RFLNA: variants seen among roughly 807,000 people sequenced by gnomAD.
The protein encoded by RFLNA is refilin-A.
A neutral mutation model predicts 7.8 loss-of-function variants in RFLNA; 5 were observed. That is an observed-to-expected ratio of 0.64 (90% CI 0.34 to 1.35). The LOEUF is 1.35. Among genes scored for constraint, RFLNA ranks in the 40% most tolerant of loss-of-function variants. The pLI, the probability that RFLNA is intolerant of heterozygous loss-of-function variation, is 0.04. For missense variants in RFLNA, 278 were observed against 305.5 expected, an observed-to-expected ratio of 0.91 and a Z score of 0.67; for synonymous variants, 141 against 131.3, an observed-to-expected ratio of 1.07 and a Z score of -0.50.
chr12:124,291,264 TA>T (rs1421650806), upstream of RFLNA, among the ~76,000 whole-genome samples: 1 of 152,210 alleles, frequency 6.6e-6, no homozygotes, highest in Non-Finnish European at 1.5e-5. Context: ...TTTATTAATT[TA>T]TTTTTTTGAG....
intron 1 of RFLNA, 84 bp from the exon 2 acceptor site, chr12:124,311,734 C>A: frequency 7.9e-7 from 1 of 1,261,410 alleles, no homozygotes; most frequent in Non-Finnish European, 1.1e-6. Flanking sequence ...CAGAGGGTGT[C>A]AGGTGGTCCT....
rs753987856 is a variant in RFLNA at position 124,311,832 on chromosome 12, C to T, written c.222C>T (p.Leu74=). The change falls in exon 2 of 3, where the codon CTC becomes CTT. Residue 74 remains leucine (L), a synonymous_variant. Coordinates refer to ENST00000546355, the MANE Select transcript of RFLNA (RefSeq NM_001365156.1). ...TCTCCCCACAGCCCCCCTCCCAACT[C>T]CCAAATCCCCCGGCGTCGGAGATGA... The part of the protein sequence containing the change: ...PSEARAPPSQ[L]PNPPASEMRP... The T allele has an allele frequency of 4.4e-6, 7 of 1,594,954 alleles. No individual in the cohort carries two copies. The highest frequency in any genetic ancestry group is 1.4e-5 in the African/African-American group (1 of 73,572).
chr12:124,303,808 C>A (rs564013956), intron 1 of RFLNA, among the ~76,000 whole-genome samples: 1 of 152,180 alleles, frequency 6.6e-6, no homozygotes, highest in African/African-American at 2.4e-5. Flanking sequence ...AACAGGAGCC[C>A]GGGCCTGTGG....
chr12:124,292,879 T>C (rs1340201415), upstream of RFLNA, among the ~76,000 whole-genome samples: 1 of 152,232 alleles, frequency 6.6e-6, no homozygotes. Context: ...TGCAATGTTT[T>C]AAAAGTCAAA....
upstream of RFLNA, among the ~76,000 whole-genome samples, chr12:124,294,888 G>A (rs2033876927): frequency 1.3e-5 from 2 of 152,240 alleles, no homozygotes; most frequent in South Asian, 4.1e-4. Context: ...CACCCTCGGT[G>A]CGCCAGTGTG....
intron 1 of RFLNA, among the ~76,000 whole-genome samples, chr12:124,309,027 T>A (rs1432135841): frequency 6.6e-6 from 1 of 152,214 alleles, no homozygotes; most frequent in East Asian, 1.9e-4. Context: ...CCCGTGCGGC[T>A]AGTGGCCCCT....
intron 1 of RFLNA, among the ~76,000 whole-genome samples, chr12:124,297,523 A>G (rs927919242): frequency 6.6e-6 from 1 of 152,074 alleles, no homozygotes; most frequent in East Asian, 1.9e-4. Context: ...AATTAGCCCC[A>G]TTTTCCAGAG....
At chr12:124,304,082 G>A (rs759283366) in intron 1 of RFLNA, among the ~76,000 whole-genome samples, 1 of 152,250 alleles carries the variant, frequency 6.6e-6, no homozygotes, top group Non-Finnish European at 1.5e-5. Flanking sequence ...TCTTGGCCGC[G>A]AGAGGCACTT....
chr12:124,313,731 T>G (rs954840309), intron 2 of RFLNA, among the ~76,000 whole-genome samples: 22 of 152,010 alleles, frequency 1.4e-4, no homozygotes, highest in Non-Finnish European at 2.5e-4. Context: ...ACTGGTTGTT[T>G]ATATCTTGCC....
chr12:124,297,159 C>T (rs1434472295), intron 1 of RFLNA, among the ~76,000 whole-genome samples: 1 of 152,192 alleles, frequency 6.6e-6, no homozygotes, highest in Non-Finnish European at 1.5e-5. Context: ...AATCCGCCTT[C>T]TCCTTGGTTC....
At position 124,314,362 on chromosome 12, in the gene RFLNA, G is replaced by T. The variant is rs767385958; in HGVS notation, c.488G>T (p.Arg163Leu). 11 of 1,612,656 alleles carry T rather than the reference G, an allele frequency of 6.8e-6. No homozygotes were observed. Among genetic ancestry groups the T allele is most frequent in the Non-Finnish European group, 7.6e-6 (9 of 1,179,950 alleles). ...LTLEPRPRAL[R>L]FRSTTIIFPK... ...CTGGAGCCACGCCCGCGCGCCCTGCGCTTCCGCAGCACCACCATCATCTTC... is the reference window on the plus strand; with the variant it reads ...CTGGAGCCACGCCCGCGCGCCCTGCTCTTCCGCAGCACCACCATCATCTTC... Residue 163 changes from arginine (R) to leucine (L), a missense_variant, in exon 3 of 3, where the codon CGC (arginine) becomes CTC (leucine). Physicochemically the swap from Arg to Leu is moderately radical, Grantham distance 102. Coordinates refer to ENST00000546355, the MANE Select transcript of RFLNA (RefSeq NM_001365156.1).
At chr12:124,297,503 C>A (rs1439495779) in intron 1 of RFLNA, among the ~76,000 whole-genome samples, 1 of 152,154 alleles carries the variant, frequency 6.6e-6, no homozygotes, top group African/African-American at 2.4e-5. Context: ...TCCCATGAAG[C>A]CTACACTCCA....
chr12:124,314,133 C>T lies in RFLNA; in HGVS notation c.318-59C>T, dbSNP rs2034303684. On this transcript the variant is annotated intron_variant, in intron 2 of 2. Coordinates refer to ENST00000546355, the MANE Select transcript of RFLNA (RefSeq NM_001365156.1). ...GGCCCTTTCGTGTCCATGCTGAGGG[C>T]AGGGAATCGGGCTGCCCCCAATCCT... The T allele has an allele frequency of 1.0e-5, 16 of 1,551,914 alleles. No individual in the cohort carries two copies. The East Asian group carries it at 3.0e-4, about 29-fold the overall frequency.
rs374500597 is a variant in RFLNA at position 124,306,534 on chromosome 12, C to T, written c.208-5284C>T. Among the ~76,000 whole-genome samples, 101 of 152,192 alleles carry T rather than the reference C, an allele frequency of 6.6e-4. 1 individual carries two copies. In the South Asian group the frequency reaches 0.012, roughly 18 times the overall value. On this transcript the variant is annotated intron_variant, in intron 1 of 2. Transcript: ENST00000546355. The surrounding 1 kb of genome is among the most constrained non-coding windows in gnomAD (Gnocchi z 5.2). Reference sequence around the variant, plus strand: ...CTGGGCATGAAAGGCAGTGGAGGAGCGAGGGTGAGGGCCCGGGACCTGGAG... The same window carrying T: ...CTGGGCATGAAAGGCAGTGGAGGAGTGAGGGTGAGGGCCCGGGACCTGGAG...
At chr12:124,312,975 C>T (rs1235039785) in intron 2 of RFLNA, among the ~76,000 whole-genome samples, 1 of 152,196 alleles carries the variant, frequency 6.6e-6, no homozygotes, top group African/African-American at 2.4e-5. Flanking sequence ...CCACTCGTCC[C>T]TGTTGAGTGG....
chr12:124,295,772 T>A (rs2033897474), intron 1 of RFLNA, 136 bp downstream of exon 1: 1 of 928,280 alleles, frequency 1.1e-6, no homozygotes, highest in Non-Finnish European at 1.4e-6. Flanking sequence ...AGGTGGCCAG[T>A]GACAGCCACG....
chr12:124,300,684 G>A (rs1411244777), intron 1 of RFLNA, among the ~76,000 whole-genome samples: 1 of 146,660 alleles, frequency 6.8e-6, no homozygotes, highest in Non-Finnish European at 1.5e-5. Context: ...GGATCGATGG[G>A]CAAATAGATA....
At chr12:124,311,512 G>A (rs541999394) in intron 1 of RFLNA, among the ~76,000 whole-genome samples, 14 of 152,348 alleles carry the variant, frequency 9.2e-5, no homozygotes, top group Admixed American at 2.0e-4. Context: ...GCCGGGCTCC[G>A]GGGTGGGTGT....
Position 124,289,249 on chromosome 12 carries a change from G to A in RFLNA, c.-158G>A, listed in dbSNP as rs780010890. 6.6e-6 allele frequency: 1 copy of A among 152,214 alleles called. No individual in the cohort carries two copies. Among genetic ancestry groups the A allele is most frequent in the Non-Finnish European group, 1.5e-5 (1 of 68,034 alleles). 9.4% of individuals were successfully genotyped at this position (152,214 alleles called of 1,614,324 possible). On this transcript the variant is annotated 5_prime_UTR_variant, in exon 1 of 3. Coordinates refer to the RFLNA transcript ENST00000324038. This position sits in a 1 kb window ranked among gnomAD's most constrained non-coding sequence, Gnocchi z 5.0. ...AGGTTTTTTGTTTACTCAAGCTTGGGAGAAGCTGGCAGAAAAGGCCTTTTC... is the reference window on the plus strand; with the variant it reads ...AGGTTTTTTGTTTACTCAAGCTTGGAAGAAGCTGGCAGAAAAGGCCTTTTC...
Sources: allele counts gnomAD v4.1 joint callset (sites outside exome capture counted in the v4.1 genomes callset), GRCh38; gene constraint gnomAD v4.1.1; non-coding constraint Gnocchi (gnomAD v3.1); transcripts MANE v1.5; gene names NCBI Gene and HGNC (gene_info 2026-07-23, HGNC 2026-07-21).